Variants in PAM observed in about 807,000 individuals in gnomAD.
PAM encodes peptidyl-glycine alpha-amidating monooxygenase.
A neutral mutation model predicts 122.1 loss-of-function variants in PAM; 72 were observed. The ratio of observed to expected loss-of-function variants is 0.59; its 90% CI spans 0.49 to 0.72. The LOEUF (loss-of-function observed/expected upper bound fraction) is 0.72, where lower values mean the gene tolerates loss of function less well. Among genes scored for constraint, PAM ranks in the 30% least tolerant of loss-of-function variants. PAM has a pLI of 0.00. For synonymous variants in PAM, 389 were observed against 404.4 expected, an observed-to-expected ratio of 0.96 and a Z score of 0.46; for missense variants, 1,106 against 1,183.7, an observed-to-expected ratio of 0.93 and a Z score of 0.96.
chr5:102,759,752 G>A (rs1000940218), intron 1 of PAM, among the ~76,000 whole-genome samples: 2 of 152,170 alleles, frequency 1.3e-5, no homozygotes, highest in Non-Finnish European at 2.9e-5. Flanking sequence ...AGCAAGGGAA[G>A]CACTGGCTTT....
In PAM at chr5:102,866,174, G is replaced by C. The variant is rs572076266; in HGVS notation, c.-22G>C. On this transcript the variant is annotated 5_prime_UTR_variant, in exon 2 of 26. Transcript: ENST00000438793. ...CGCTGCGCTGCCCGGTCCTCTCCCG[G>C]CGGGGTCGTATCGGCGTGGACATGG... is the stretch of plus-strand genomic sequence containing the variant. 18 of 1,572,932 alleles carry C rather than the reference G, an allele frequency of 1.1e-5. No homozygotes were observed. Among genetic ancestry groups the C allele is most frequent in the Middle Eastern group, 1.7e-4 (1 of 5,906 alleles).
intron 1 of PAM, among the ~76,000 whole-genome samples, chr5:102,805,423 T>C (rs1765961784): frequency 6.6e-6 from 1 of 152,148 alleles, no homozygotes; most frequent in Non-Finnish European, 1.5e-5. Flanking sequence ...TACACTATTG[T>C]TTGGATGTCT....
chr5:102,974,656 T>C (rs1767013056), intron 15 of PAM: 2 of 382,916 alleles, frequency 5.2e-6, no homozygotes, highest in Non-Finnish European at 4.6e-6. Context: ...GTGTCTGTTC[T>C]ATTGGTGAGC....
chr5:102,917,705 A>G (rs1262272966), intron 5 of PAM, among the ~76,000 whole-genome samples: 2 of 152,190 alleles, frequency 1.3e-5, no homozygotes, highest in Non-Finnish European at 1.5e-5. Context: ...TTATGAAGTT[A>G]TAATTCATCT....
intron 7 of PAM, among the ~76,000 whole-genome samples, chr5:102,935,991 T>C (rs978568483): frequency 1.3e-5 from 2 of 152,172 alleles, no homozygotes; most frequent in African/African-American, 2.4e-5. Flanking sequence ...AGTGTTTTTG[T>C]AAGCTGATTG....
intron 9 of PAM, 107 bp downstream of exon 9, chr5:102,948,552 T>G (rs985525017): frequency 1.6e-6 from 1 of 631,174 alleles, no homozygotes; most frequent in Non-Finnish European, 2.8e-6. Context: ...TATTTTTATG[T>G]CTTGGAAAAA....
intron 3 of PAM, chr5:102,873,383 CTT>C (rs1554095355): frequency 3.9e-5 from 6 of 152,134 alleles, no homozygotes; most frequent in Non-Finnish European, 8.8e-5. Context: ...CTATTATACT[CTT>C]TTTGAGAAAA....
At chr5:102,883,981 C>T (rs975751414) in intron 3 of PAM, among the ~76,000 whole-genome samples, 3 of 151,514 alleles carry the variant, frequency 2.0e-5, no homozygotes, top group East Asian at 1.9e-4. Context: ...ATGTGTTAAT[C>T]TTGCCTCCTA....
chr5:102,947,372 T>G (rs1757391212), intron 8 of PAM, among the ~76,000 whole-genome samples: 1 of 152,176 alleles, frequency 6.6e-6, no homozygotes, highest in Non-Finnish European at 1.5e-5. Context: ...TGGCATACCA[T>G]CACTTTTGCC....
chr5:102,969,276 GAAAA>G (rs1348605899), intron 14 of PAM, among the ~76,000 whole-genome samples: 1 of 132,662 alleles, frequency 7.5e-6, no homozygotes. Context: ...TAGTCCAGTG[GAAAA>G]AAAAAAAAAG....
intron 3 of PAM, among the ~76,000 whole-genome samples, chr5:102,882,110 T>TATATATATAC (rs1561748160): frequency 1.9e-5 from 2 of 103,792 alleles, no homozygotes; most frequent in Non-Finnish European, 3.8e-5. Context: ...TATATATATA[T>TATATATATAC]ACACCACATT....
chr5:102,902,262 G>A (rs1798183616), intron 4 of PAM, among the ~76,000 whole-genome samples: 1 of 151,476 alleles, frequency 6.6e-6, no homozygotes, highest in Non-Finnish European at 1.5e-5. Flanking sequence ...AGTAGCCTTG[G>A]GGCAGTCTGA....
At chr5:102,848,549 T>C (rs1333725588) in intron 1 of PAM, among the ~76,000 whole-genome samples, 1 of 152,214 alleles carries the variant, frequency 6.6e-6, no homozygotes, top group Non-Finnish European at 1.5e-5. Flanking sequence ...GACAGCTTTT[T>C]AGTGTCTCAC....
intron 3 of PAM, among the ~76,000 whole-genome samples, chr5:102,871,370 C>A (rs73192743): frequency 0.047 from 7,095 of 152,056 alleles, 350 homozygotes; most frequent in East Asian, 0.18. Context: ...AATTGCTAAC[C>A]CTTAGGCTTT....
chr5:102,785,240 T>C (rs1344485369), intron 1 of PAM, among the ~76,000 whole-genome samples: 2 of 152,110 alleles, frequency 1.3e-5, no homozygotes, highest in Non-Finnish European at 2.9e-5. Context: ...TCTGGGCCCC[T>C]TCCCAGTTTC....
At position 102,901,419 on chromosome 5, in the gene PAM, T is replaced by C; in HGVS notation, c.268+6T>C. On this transcript the variant is annotated splice_donor_region_variant and intron_variant, in intron 4 of 25. Transcript: ENST00000438793. ...GGATGAGGAAGCCTTCGTGAGTAAGTATTAATTGGATTGGGGGAGTAGCAG... is the reference window on the plus strand; with the variant it reads ...GGATGAGGAAGCCTTCGTGAGTAAGCATTAATTGGATTGGGGGAGTAGCAG... The C allele has an allele frequency of 6.6e-7, 1 of 1,519,324 alleles. No individual in the cohort carries two copies. Among genetic ancestry groups the C allele is most frequent in the Non-Finnish European group, 9.1e-7 (1 of 1,095,164 alleles). The allele number at this position is 1,519,324 out of a possible 1,614,324, so 94.1% of individuals were successfully genotyped here. A position where few individuals can be genotyped will look rare whatever the true frequency, so the allele number is the denominator to read the frequency against.
intron 1 of PAM, among the ~76,000 whole-genome samples, chr5:102,772,120 T>C (rs1411269266): frequency 6.6e-6 from 1 of 152,118 alleles, no homozygotes; most frequent in Non-Finnish European, 1.5e-5. Flanking sequence ...AACAGGGATG[T>C]ATTGGTGTCA....
chr5:103,023,932 A>G (rs1784300961), intron 23 of PAM, among the ~76,000 whole-genome samples: 1 of 152,154 alleles, frequency 6.6e-6, no homozygotes, highest in Non-Finnish European at 1.5e-5. Flanking sequence ...AGCATCTTAA[A>G]TGATTTGGGA....
chr5:102,826,273 A>G (rs916846298), intron 1 of PAM, among the ~76,000 whole-genome samples: 2 of 152,170 alleles, frequency 1.3e-5, no homozygotes, highest in African/African-American at 4.8e-5. Context: ...TAATCTATGT[A>G]TTTATGTGGA....
Sources: gnomAD v4.1 joint callset for allele counts (sites outside exome capture counted in the v4.1 genomes callset) on GRCh38, gnomAD v4.1.1 for gene constraint, MANE v1.5 for transcripts, NCBI Gene and HGNC (gene_info 2026-07-23, HGNC 2026-07-21) for gene names.